The following MYOF variants were observed in gnomAD, a reference collection of about 807,000 sequenced individuals.
MYOF encodes the protein fer-1-like 3, myoferlin.
In MYOF, 244 loss-of-function variants were observed where a neutral mutation model predicts 284.2. The ratio of observed to expected loss-of-function variants is 0.86; its 90% CI spans 0.77 to 0.95. The LOEUF (loss-of-function observed/expected upper bound fraction) is 0.95, where lower values mean the gene tolerates loss of function less well. Ranked by LOEUF, MYOF falls within the 40% of genes least tolerant of loss-of-function variation. MYOF has a pLI of 0.00. For missense variants in MYOF, 2,496 were observed against 2,560.6 expected, an observed-to-expected ratio of 0.97 and a Z score of 0.54; for synonymous variants, 904 against 919.7, an observed-to-expected ratio of 0.98 and a Z score of 0.31.
At chr10:93,390,459 A>C (rs1294436835) in intron 17 of MYOF, among the ~76,000 whole-genome samples, 1 of 152,252 alleles carries the variant, frequency 6.6e-6, no homozygotes, top group Non-Finnish European at 1.5e-5. Flanking sequence ...GTAACAGCCT[A>C]GGATGCCACA....
At chr10:93,371,953 C>T (rs1307700609) in intron 24 of MYOF, among the ~76,000 whole-genome samples, 5 of 152,198 alleles carry the variant, frequency 3.3e-5, no homozygotes, top group African/African-American at 7.2e-5. Flanking sequence ...AATCAGTTTG[C>T]TTCCACCCAC....
chr10:93,404,641 CAA>C (rs34398757), intron 7 of MYOF, among the ~76,000 whole-genome samples: 1,124 of 60,850 alleles, frequency 0.018, 8 homozygotes, highest in African/African-American at 0.049. Context: ...GAGGCCATCT[CAA>C]AAAAAAAAAA....
At chr10:93,461,519 G>A (rs957221308) in intron 1 of MYOF, among the ~76,000 whole-genome samples, 8 of 152,206 alleles carry the variant, frequency 5.3e-5, no homozygotes, top group African/African-American at 1.9e-4. Flanking sequence ...GTGCACAGAA[G>A]ATGCAGAGGC....
intron 15 of MYOF, 68 bp from the exon 16 acceptor site, chr10:93,396,292 C>T (rs978875065): frequency 1.8e-6 from 2 of 1,120,796 alleles, no homozygotes; most frequent in African/African-American, 3.2e-5. Context: ...GAAGATATGT[C>T]TTCATTTCAA....
chr10:93,321,411 C>CTT lies in MYOF; in HGVS notation c.5457-1399_5457-1398insAA, dbSNP rs1308486181. On this transcript the variant is annotated intron_variant, in intron 48 of 53. Transcript: ENST00000359263. The stretch of plus-strand genomic sequence containing the variant: ...TTGAAAGATTCCTTTTGACTATTAA[C>CTT]CTTTTTTTTTTTTTTTTTTTTTTTA... Among the ~76,000 whole-genome samples, 33 of 137,298 alleles carry CTT rather than the reference C, an allele frequency of 2.4e-4. No homozygotes were observed. The South Asian group carries it at 7.0e-3, about 29-fold the overall frequency. The allele number at this position is 137,298 out of a possible 152,430, so 90.1% of individuals were successfully genotyped here. A position where few individuals can be genotyped will look rare whatever the true frequency, so the allele number is the denominator to read the frequency against.
At chr10:93,467,204 T>C (rs569221131) in intron 1 of MYOF, among the ~76,000 whole-genome samples, 93 of 152,010 alleles carry the variant, frequency 6.1e-4, no homozygotes, top group Middle Eastern at 6.8e-3. Context: ...TTAGGGTACA[T>C]GTGCACAATA....
intron 21 of MYOF, among the ~76,000 whole-genome samples, chr10:93,377,973 A>T (rs1845915114): frequency 6.6e-6 from 1 of 152,226 alleles, no homozygotes. Context: ...AAATAGACAT[A>T]CATGTGTCTG....
chr10:93,393,286 A>G (rs929379363), intron 16 of MYOF, among the ~76,000 whole-genome samples: 6 of 152,242 alleles, frequency 3.9e-5, no homozygotes, highest in African/African-American at 1.4e-4. Flanking sequence ...ACATTTACTT[A>G]TCTTACGGCT....
At chr10:93,448,892 G>A (rs1478765664) in intron 3 of MYOF, among the ~76,000 whole-genome samples, 1 of 152,176 alleles carries the variant, frequency 6.6e-6, no homozygotes, top group African/African-American at 2.4e-5. Context: ...CTACTCAGGA[G>A]GCTGAGGCAG....
intron 35 of MYOF, 31 bp from the exon 36 acceptor site, chr10:93,350,000 T>G (rs779970993): frequency 1.1e-5 from 18 of 1,599,850 alleles, no homozygotes; most frequent in Non-Finnish European, 1.5e-5. Context: ...GAGGGGAAGG[T>G]AACTCAGCAC....
At chr10:93,342,072 T>C (rs1260164961) in intron 38 of MYOF, 5 of 715,314 alleles carry the variant, frequency 7.0e-6, no homozygotes, top group African/African-American at 1.8e-5. Context: ...TCACTTTTCT[T>C]GTGATAGTGC....
chr10:93,408,759 C>T (rs1415625662), intron 7 of MYOF, 28 bp downstream of exon 7: 2 of 1,613,448 alleles, frequency 1.2e-6, no homozygotes, highest in Non-Finnish European at 1.7e-6. Context: ...GACTCATGAG[C>T]AGAAACATGC....
At chr10:93,315,230 G>T (rs1186890331) in intron 50 of MYOF, among the ~76,000 whole-genome samples, 1 of 152,198 alleles carries the variant, frequency 6.6e-6, no homozygotes, top group Admixed American at 6.5e-5. Flanking sequence ...TTTGGTGGGT[G>T]TTTCCTCTGC....
chr10:93,358,707 C>T (rs1452765110), intron 29 of MYOF, among the ~76,000 whole-genome samples: 1 of 152,118 alleles, frequency 6.6e-6, no homozygotes, highest in Non-Finnish European at 1.5e-5. Flanking sequence ...GAACAGAAAA[C>T]CAAACACCGC....
At chr10:93,434,197 A>G (rs11593432) in intron 3 of MYOF, among the ~76,000 whole-genome samples, 21,567 of 152,016 alleles carry the variant, frequency 0.14, 1,634 homozygotes, top group Middle Eastern at 0.2. Context: ...TTGGGAGGCC[A>G]AGGTGGGTGG....
intron 5 of MYOF, among the ~76,000 whole-genome samples, chr10:93,422,022 G>C (rs959458973): frequency 4.0e-4 from 3 of 7,582 alleles, no homozygotes; most frequent in African/African-American, 1.2e-3. Context: ...CCGAGCCCCG[G>C]CAAACATTCA....
chr10:93,326,783 C>T (rs1843067068), intron 45 of MYOF, among the ~76,000 whole-genome samples: 3 of 152,062 alleles, frequency 2.0e-5, no homozygotes, highest in East Asian at 1.9e-4. Context: ...TGCCACCACA[C>T]GCAGCTAATT....
At chr10:93,367,903 G>C (rs1048603873) in intron 25 of MYOF, among the ~76,000 whole-genome samples, 3 of 152,106 alleles carry the variant, frequency 2.0e-5, no homozygotes, top group African/African-American at 7.2e-5. Flanking sequence ...TATTATTAAT[G>C]TGCCTCTGCT....
At chr10:93,452,880 T>A (rs1044050104) in intron 2 of MYOF, among the ~76,000 whole-genome samples, 2 of 152,100 alleles carry the variant, frequency 1.3e-5, no homozygotes, top group African/African-American at 2.4e-5. Context: ...AGTTCCACCA[T>A]GGTCGGTCAA....
Sources: allele counts gnomAD v4.1 joint callset (sites outside exome capture counted in the v4.1 genomes callset), GRCh38; gene constraint gnomAD v4.1.1; transcripts MANE v1.5; gene names NCBI Gene and HGNC (gene_info 2026-07-23, HGNC 2026-07-21).